ATXN2: variants seen among roughly 807,000 people sequenced by gnomAD.
ATXN2 encodes the protein ataxin-2.
In ATXN2, 37 loss-of-function variants were observed where a neutral mutation model predicts 138.6. That is an observed-to-expected ratio of 0.27 (90% CI 0.21 to 0.35). The LOEUF is 0.35. Among genes scored for constraint, ATXN2 ranks in the 10% least tolerant of loss-of-function variants. ATXN2 has a pLI of 1.00. For synonymous variants in ATXN2, 549 were observed against 543.7 expected (o/e 1.01, Z -0.13); for missense variants, 1,216 against 1,480.3 (o/e 0.82, Z 2.93).
At chr12:111,540,383 T>C (rs1320852912) in intron 5 of ATXN2, among the ~76,000 whole-genome samples, 1 of 150,658 alleles carries the variant, frequency 6.6e-6, no homozygotes, top group East Asian at 1.9e-4. Flanking sequence ...TTAAGAATGC[T>C]ACTTGTTTTA....
At chr12:111,492,070 T>C (rs555353249) in intron 14 of ATXN2, among the ~76,000 whole-genome samples, 2 of 152,164 alleles carry the variant, frequency 1.3e-5, no homozygotes, top group African/African-American at 2.4e-5. Flanking sequence ...GGCCAGAAAA[T>C]AGCTGCCACA....
rs931334694 is a variant in ATXN2, at chr12:111,598,325, T to C, written c.251+459A>G. ...CCCTAACTTCTCCCCTCCAGAGATG[T>C]CCCCCATGGAGGGGGACATGTTCCG... is the stretch of plus-strand genomic sequence containing the variant. On this transcript the variant is annotated intron_variant, in intron 1 of 24. Coordinates refer to ENST00000673436, the MANE Select transcript of ATXN2 (RefSeq NM_001372574.1). This position sits in a 1 kb window ranked among gnomAD's most constrained non-coding sequence, Gnocchi z 4.5. 111 of 992,190 alleles carry C rather than the reference T, an allele frequency of 1.1e-4. No individual in the cohort carries two copies. The African/African-American group carries it at 1.7e-3, about 15-fold the overall frequency. The allele number at this position is 992,190 out of a possible 1,614,324, so 61.5% of individuals were successfully genotyped here. A position where few individuals can be genotyped will look rare whatever the true frequency, so the allele number is the denominator to read the frequency against.
chr12:111,454,969 G>C, intron 23 of ATXN2: 1 of 691,782 alleles, frequency 1.4e-6, no homozygotes, highest in Non-Finnish European at 2.7e-6. Context: ...ATCAACTGCA[G>C]TGCGCTACAC....
chr12:111,530,065 C>T (rs1315832651), intron 5 of ATXN2, among the ~76,000 whole-genome samples: 1 of 152,130 alleles, frequency 6.6e-6, no homozygotes, highest in East Asian at 1.9e-4. Context: ...CCTATTCCTG[C>T]GGCACTTTCA....
chr12:111,546,162 G>C (rs1881790148), intron 5 of ATXN2, among the ~76,000 whole-genome samples: 1 of 152,108 alleles, frequency 6.6e-6, no homozygotes, highest in African/African-American at 2.4e-5. Context: ...AAGAATCGCA[G>C]GATATTATAC....
chr12:111,494,835 A>AG (rs1878307420), intron 14 of ATXN2, among the ~76,000 whole-genome samples: 1 of 152,140 alleles, frequency 6.6e-6, no homozygotes, highest in Non-Finnish European at 1.5e-5. Flanking sequence ...GAAGGGAGGG[A>AG]GGGAAAAAAG....
chr12:111,521,597 A>G (rs902541121), intron 6 of ATXN2, among the ~76,000 whole-genome samples: 2 of 152,244 alleles, frequency 1.3e-5, no homozygotes, highest in African/African-American at 4.8e-5. Context: ...CAAAGTCACA[A>G]GAACTGGGCT....
chr12:111,535,864 G>C (rs945951174), intron 5 of ATXN2, among the ~76,000 whole-genome samples: 45 of 150,688 alleles, frequency 3.0e-4, no homozygotes, highest in Middle Eastern at 3.2e-3. Context: ...GCCGGGCGTA[G>C]TGGCGGGCGC....
At chr12:111,595,617 G>A (rs1305136472) in intron 1 of ATXN2, among the ~76,000 whole-genome samples, 2 of 150,298 alleles carry the variant, frequency 1.3e-5, no homozygotes, top group Non-Finnish European at 1.5e-5. Flanking sequence ...ACTTCAGACT[G>A]GGCAAACACC....
intron 1 of ATXN2, among the ~76,000 whole-genome samples, chr12:111,591,947 TA>T (rs1884685876): frequency 6.6e-6 from 1 of 150,928 alleles, no homozygotes; most frequent in Non-Finnish European, 1.5e-5. Flanking sequence ...CTGAGTGGGG[TA>T]GCAGGCACCT....
intron 1 of ATXN2, among the ~76,000 whole-genome samples, chr12:111,556,491 T>G (rs1277897503): frequency 6.6e-6 from 1 of 152,126 alleles, no homozygotes; most frequent in Non-Finnish European, 1.5e-5. Flanking sequence ...ACCAAGTCAC[T>G]TCCCATATTT....
intron 14 of ATXN2, among the ~76,000 whole-genome samples, chr12:111,493,104 C>T (rs937982813): frequency 6.6e-6 from 1 of 152,022 alleles, no homozygotes; most frequent in Non-Finnish European, 1.5e-5. Flanking sequence ...CATTAGTGAG[C>T]TTGAATTCAG....
intron 18 of ATXN2, among the ~76,000 whole-genome samples, chr12:111,473,233 C>T (rs1486872296): frequency 6.6e-6 from 1 of 151,260 alleles, no homozygotes; most frequent in Non-Finnish European, 1.5e-5. Flanking sequence ...CAGATCATCC[C>T]ACTGCACTCC....
intron 1 of ATXN2, among the ~76,000 whole-genome samples, chr12:111,570,231 G>C (rs924632667): frequency 6.6e-6 from 1 of 151,912 alleles, no homozygotes; most frequent in Non-Finnish European, 1.5e-5. Context: ...CGATCTACCC[G>C]TTGCTCATAA....
Position 111,598,924 on chromosome 12 carries a change from G to A in ATXN2, c.111C>T (p.Arg37=), listed in dbSNP as rs1885084055. 6.6e-7 allele frequency: 1 copy of A among 1,512,158 alleles called. No homozygotes were observed. Among genetic ancestry groups the A allele is most frequent in the Non-Finnish European group, 8.8e-7 (1 of 1,135,598 alleles). 93.7% of individuals were successfully genotyped at this position (1,512,158 alleles called of 1,614,324 possible). ...CTAGAAGGCCGCTGCCGCCGGGCTT[G>A]CGGACATTGGCAGCCGCGGGCGGCG... is the stretch of plus-strand genomic sequence containing the variant. ...QQPPPAAANV[R]KPGGSGLLAS... Residue 37 remains arginine (R), a synonymous_variant, in exon 1 of 25, where the codon CGC becomes CGT. Coordinates refer to ENST00000673436, the MANE Select transcript of ATXN2 (RefSeq NM_001372574.1). This position sits in a 1 kb window ranked among gnomAD's most constrained non-coding sequence, Gnocchi z 4.5.
chr12:111,541,800 AT>A (rs200306299), intron 5 of ATXN2, among the ~76,000 whole-genome samples: 74 of 141,594 alleles, frequency 5.2e-4, no homozygotes, highest in East Asian at 5.1e-3. Flanking sequence ...TATTATAAAA[AT>A]TTTTTTTTTT....
chr12:111,559,136 GTT>G (rs762892445), intron 1 of ATXN2, among the ~76,000 whole-genome samples: 1 of 142,178 alleles, frequency 7.0e-6, no homozygotes, highest in Admixed American at 7.0e-5. Context: ...ACAGTTTTTT[GTT>G]TTTTTTTTTT....
chr12:111,501,222 T>C (rs1012142089), intron 14 of ATXN2, among the ~76,000 whole-genome samples: 1 of 152,064 alleles, frequency 6.6e-6, no homozygotes, highest in African/African-American at 2.4e-5. Flanking sequence ...ACAAAGATAT[T>C]AGCAAAATAA....
intron 11 of ATXN2, chr12:111,512,512 T>C (rs1181457651): frequency 2.7e-5 from 4 of 147,510 alleles, no homozygotes; most frequent in Admixed American, 6.9e-5. Context: ...TGGAGTGCAA[T>C]GGCGTGATCT....
Sources: gnomAD v4.1 joint callset for allele counts (sites outside exome capture counted in the v4.1 genomes callset) on GRCh38, gnomAD v4.1.1 for gene constraint, Gnocchi (gnomAD v3.1) non-coding constraint, MANE v1.5 for transcripts, NCBI Gene and HGNC (gene_info 2026-07-23, HGNC 2026-07-21) for gene names.